The following FANCC variants were observed in gnomAD, a reference collection of about 807,000 sequenced individuals.
The protein encoded by FANCC is FA complementation group C.
A neutral mutation model predicts 71.3 loss-of-function variants in FANCC; 55 were observed. That is an observed-to-expected ratio of 0.77 (90% CI 0.62 to 0.97). The LOEUF (loss-of-function observed/expected upper bound fraction) is 0.97, where lower values mean the gene tolerates loss of function less well. FANCC is among the 50% of genes least tolerant of loss of function. The pLI is 0.00. For synonymous variants in FANCC, 275 were observed against 244.9 expected, an observed-to-expected ratio of 1.12 and a Z score of -1.15; for missense variants, 678 against 670.9, an observed-to-expected ratio of 1.01 and a Z score of -0.12.
chr9:95,144,238 G>C (rs2135349352), intron 7 of FANCC, among the ~76,000 whole-genome samples: 1 of 152,320 alleles, frequency 6.6e-6, no homozygotes, highest in East Asian at 1.9e-4. Context: ...TGTCCATGGA[G>C]AGGCTCCAGC....
chr9:95,293,686 C>G (rs1834197832), intron 1 of FANCC: 1 of 1,613,798 alleles, frequency 6.2e-7, no homozygotes, highest in East Asian at 2.2e-5. Context: ...TTGTTTGATT[C>G]TCAAGTGTCT....
At chr9:95,254,676 C>A (rs184873314) in intron 1 of FANCC, among the ~76,000 whole-genome samples, 100 of 152,320 alleles carry the variant, frequency 6.6e-4, no homozygotes, top group African/African-American at 2.3e-3. Context: ...ACCGAGCTAG[C>A]TGCAGGAGTT....
At chr9:95,264,082 C>T (rs566687065) in intron 1 of FANCC, among the ~76,000 whole-genome samples, 1 of 152,188 alleles carries the variant, frequency 6.6e-6, no homozygotes, top group Non-Finnish European at 1.5e-5. Context: ...ATCACAGCCC[C>T]GTGTCCTCAC....
intron 7 of FANCC, among the ~76,000 whole-genome samples, chr9:95,138,767 A>G (rs1299641134): frequency 6.6e-6 from 1 of 152,216 alleles, no homozygotes; most frequent in Non-Finnish European, 1.5e-5. Flanking sequence ...GAGCAGCAGC[A>G]AATTCACATG....
chr9:95,192,658 C>T (rs1827188523), intron 4 of FANCC, among the ~76,000 whole-genome samples: 1 of 152,158 alleles, frequency 6.6e-6, no homozygotes, highest in Non-Finnish European at 1.5e-5. Flanking sequence ...TTTAAAATTA[C>T]TATTATTGAA....
chr9:95,287,312 G>A (rs1833748854), intron 1 of FANCC, among the ~76,000 whole-genome samples: 1 of 152,068 alleles, frequency 6.6e-6, no homozygotes, highest in Non-Finnish European at 1.5e-5. Context: ...CATATCAAAA[G>A]CAAAAATTTT....
chr9:95,113,066 A>G (rs921817203), intron 12 of FANCC, among the ~76,000 whole-genome samples: 1 of 152,224 alleles, frequency 6.6e-6, no homozygotes, highest in Non-Finnish European at 1.5e-5. Context: ...AGATTCTTCA[A>G]GGTCCAGCTC....
At chr9:95,164,917 T>A (rs1273179802) in intron 6 of FANCC, among the ~76,000 whole-genome samples, 3 of 152,052 alleles carry the variant, frequency 2.0e-5, no homozygotes, top group Non-Finnish European at 2.9e-5. Flanking sequence ...TGGTCCTGGT[T>A]TTTTTCTTTG....
intron 4 of FANCC, among the ~76,000 whole-genome samples, chr9:95,224,662 A>C (rs1390232583): frequency 6.6e-6 from 1 of 152,134 alleles, no homozygotes; most frequent in Non-Finnish European, 1.5e-5. Context: ...TGTTTCTATA[A>C]ACTTGACTAC....
At chr9:95,241,531 G>A (rs375596113) in intron 3 of FANCC, among the ~76,000 whole-genome samples, 2 of 152,146 alleles carry the variant, frequency 1.3e-5, no homozygotes, top group South Asian at 4.1e-4. Flanking sequence ...CCTAGAAACT[G>A]AAGATGTCAG....
At chr9:95,287,798 C>T (rs946131922) in intron 1 of FANCC, among the ~76,000 whole-genome samples, 1 of 152,174 alleles carries the variant, frequency 6.6e-6, no homozygotes, top group African/African-American at 2.4e-5. Context: ...AACAAAAAGG[C>T]AGGCATGTTC....
At chr9:95,283,941 C>T (rs1478459070) in intron 1 of FANCC, among the ~76,000 whole-genome samples, 2 of 152,134 alleles carry the variant, frequency 1.3e-5, no homozygotes, top group Admixed American at 6.5e-5. Flanking sequence ...TCTATGCCTC[C>T]GTTTCTGTAT....
chr9:95,110,694 C>G, intron 13 of FANCC: 1 of 1,057,086 alleles, frequency 9.5e-7, no homozygotes, highest in Non-Finnish European at 1.1e-6. Flanking sequence ...AGAAGCAGGG[C>G]TCTATACAAA....
rs1800363 is a variant in FANCC at position 95,149,893 on chromosome 9, G to A, written c.686+30C>T. ...GCCTTCTAAGAAAAGGAAAAACGAC[G>A]CAGGATGACAGGAAACATTTGCCAC... On this transcript the variant is annotated intron_variant, in intron 7 of 14. Transcript: ENST00000289081. 3,395 of 1,572,458 alleles carry A rather than the reference G, an allele frequency of 2.2e-3. 71 individuals are homozygous for A. The African/African-American group carries it at 0.041, about 19-fold the overall frequency.
intron 10 of FANCC, among the ~76,000 whole-genome samples, chr9:95,124,636 A>G (rs1489910011): frequency 6.6e-6 from 1 of 152,184 alleles, no homozygotes; most frequent in African/African-American, 2.4e-5. Flanking sequence ...TGGGTCTCTG[A>G]TAAGAATGAA....
chr9:95,208,218 C>T (rs1404093965), intron 4 of FANCC, among the ~76,000 whole-genome samples: 1 of 149,722 alleles, frequency 6.7e-6, no homozygotes, highest in African/African-American at 2.5e-5. Context: ...CTGCCTCAGT[C>T]TCCTGAGTAG....
chr9:95,207,377 A>T lies in FANCC; in HGVS notation c.345+33272T>A, dbSNP rs356685. On this transcript the variant is annotated intron_variant, in intron 4 of 14. Transcript: ENST00000289081. ...TCTGTAGTGCTCCTGCCAAGAAGAAACCTTTCATCTGGAGGACAGATGGCA... is the reference window on the plus strand; with the variant it reads ...TCTGTAGTGCTCCTGCCAAGAAGAATCCTTTCATCTGGAGGACAGATGGCA... Among the ~76,000 whole-genome samples, 3 of 152,188 alleles carry T rather than the reference A, an allele frequency of 2.0e-5. 1 individual carries two copies. Among genetic ancestry groups the T allele is most frequent in the Admixed American group, 1.3e-4 (2 of 15,278 alleles).
At chr9:95,306,073 AT>A (rs1333024529) in intron 1 of FANCC, among the ~76,000 whole-genome samples, 1 of 152,202 alleles carries the variant, frequency 6.6e-6, no homozygotes, top group African/African-American at 2.4e-5. Flanking sequence ...TGTTGTACTG[AT>A]CAACAAAAAT....
rs143961051 is a variant in FANCC, at chr9:95,179,121, T to C, written c.346-6974A>G. On this transcript the variant is annotated intron_variant, in intron 4 of 14. Transcript: ENST00000289081. ...CTCGTTAACCAAATGCTCCTACAGA[T>C]AGCATATTGCACATGTGTTTTGATG... is the stretch of plus-strand genomic sequence containing the variant. Among the ~76,000 whole-genome samples the C allele has an allele frequency of 5.6e-3, 851 of 152,354 alleles. 8 individuals are homozygous for C. The highest frequency in any genetic ancestry group is 0.019 in the African/African-American group (810 of 41,576).
Sources: allele counts gnomAD v4.1 joint callset (sites outside exome capture counted in the v4.1 genomes callset), GRCh38; gene constraint gnomAD v4.1.1; transcripts MANE v1.5; gene names NCBI Gene and HGNC (gene_info 2026-07-23, HGNC 2026-07-21).